MYRIP: variants seen among roughly 807,000 people sequenced by gnomAD.
The protein encoded by MYRIP is myosin VIIA and Rab interacting protein.
A neutral mutation model predicts 98.0 loss-of-function variants in MYRIP; 49 were observed. The observed-to-expected ratio is 0.50, with a 90% CI of 0.40 to 0.63. The LOEUF (loss-of-function observed/expected upper bound fraction) is 0.63, where lower values mean the gene tolerates loss of function less well. Among genes scored for constraint, MYRIP ranks in the 30% least tolerant of loss-of-function variants. The pLI, the probability that MYRIP is intolerant of heterozygous loss-of-function variation, is 0.00. For synonymous variants in MYRIP, 404 were observed against 409.5 expected, an observed-to-expected ratio of 0.99 and a Z score of 0.16; for missense variants, 1,004 against 1,058.2, an observed-to-expected ratio of 0.95 and a Z score of 0.71.
chr3:39,946,072 G>A (rs1043027977), intron 2 of MYRIP, among the ~76,000 whole-genome samples: 1 of 151,822 alleles, frequency 6.6e-6, no homozygotes, highest in East Asian at 1.9e-4. Context: ...AAAGATCTAA[G>A]AAAGCTTTGA....
intron 1 of MYRIP, among the ~76,000 whole-genome samples, chr3:39,872,063 G>A (rs1442559733): frequency 6.6e-6 from 1 of 151,874 alleles, no homozygotes; most frequent in East Asian, 1.9e-4. Context: ...ATGAAATAGA[G>A]ACAACTGATG....
At chr3:40,210,243 C>T in intron 11 of MYRIP, 150 bp downstream of exon 11, 1 of 980,890 alleles carries the variant, frequency 1.0e-6, no homozygotes, top group Non-Finnish European at 1.5e-6. Context: ...CCTAAGAGAA[C>T]CCTTCTTAAC....
At chr3:40,051,960 A>G (rs188231161) in intron 3 of MYRIP, among the ~76,000 whole-genome samples, 2 of 152,222 alleles carry the variant, frequency 1.3e-5, no homozygotes, top group African/African-American at 4.8e-5. Context: ...ATACCTGTAT[A>G]TAATGTGTCG....
chr3:40,130,791 TG>T (rs1001929230), intron 3 of MYRIP, among the ~76,000 whole-genome samples: 7 of 152,068 alleles, frequency 4.6e-5, no homozygotes, highest in African/African-American at 9.7e-5. Context: ...GGGGATATGA[TG>T]GGTACTCCAA....
intron 2 of MYRIP, among the ~76,000 whole-genome samples, chr3:39,913,904 C>T (rs1944087526): frequency 6.6e-6 from 1 of 152,202 alleles, no homozygotes; most frequent in African/African-American, 2.4e-5. Flanking sequence ...TGTGAATTCA[C>T]ACCACACTCA....
intron 3 of MYRIP, among the ~76,000 whole-genome samples, chr3:40,117,645 G>T (rs1157884453): frequency 6.6e-6 from 1 of 152,162 alleles, no homozygotes; most frequent in African/African-American, 2.4e-5. Context: ...TAGTCCATCA[G>T]TGTAGAGGCA....
At chr3:40,252,148 G>T in intron 16 of MYRIP, 149 bp downstream of exon 16, 2 of 646,892 alleles carry the variant, frequency 3.1e-6, no homozygotes, top group Non-Finnish European at 5.3e-6. Context: ...TGACTGGGGG[G>T]TGGACTTAGC....
chr3:39,997,026 T>G (rs1277715584), intron 2 of MYRIP, among the ~76,000 whole-genome samples: 3 of 152,106 alleles, frequency 2.0e-5, no homozygotes, highest in Non-Finnish European at 4.4e-5. Context: ...TGGGACACAT[T>G]CAAAGCAGTG....
intron 3 of MYRIP, among the ~76,000 whole-genome samples, chr3:40,086,933 G>T (rs17075541): frequency 0.067 from 10,132 of 152,022 alleles, 410 homozygotes; most frequent in East Asian, 0.22. Flanking sequence ...AGAGCTCTGG[G>T]GTAGGAACAA....
chr3:39,939,966 CAT>C (rs1301300130), intron 2 of MYRIP, among the ~76,000 whole-genome samples: 3 of 151,336 alleles, frequency 2.0e-5, no homozygotes, highest in Admixed American at 6.6e-5. Context: ...TAGATATACA[CAT>C]GTTATTTATC....
chr3:39,978,075 T>A lies in MYRIP; in HGVS notation c.111-65975T>A, dbSNP rs143611822. Among the ~76,000 whole-genome samples the A allele has an allele frequency of 6.6e-5, 10 of 152,306 alleles. 1 individual carries two copies. Among genetic ancestry groups the A allele is most frequent in the African/African-American group, 2.4e-4 (10 of 41,574 alleles). ...CCTGATATACGAATTTACTGTGTAGTTAGAACTGCCATCTTTAGCCCTTCT... is the reference window on the plus strand; with the variant it reads ...CCTGATATACGAATTTACTGTGTAGATAGAACTGCCATCTTTAGCCCTTCT... On this transcript the variant is annotated intron_variant, in intron 2 of 16. Transcript: ENST00000302541.
At chr3:40,129,849 G>A (rs1392724417) in intron 3 of MYRIP, among the ~76,000 whole-genome samples, 1 of 152,174 alleles carries the variant, frequency 6.6e-6, no homozygotes, top group Non-Finnish European at 1.5e-5. Context: ...ATTCCTAGGT[G>A]AAACTTTAAT....
chr3:39,900,001 A>G (rs1385247394), intron 1 of MYRIP, among the ~76,000 whole-genome samples: 1 of 152,142 alleles, frequency 6.6e-6, no homozygotes. Flanking sequence ...TTGGATCTGT[A>G]GTAGAGACAG....
intron 1 of MYRIP, among the ~76,000 whole-genome samples, chr3:39,861,436 GT>G (rs1942466502): frequency 6.6e-6 from 1 of 152,210 alleles, no homozygotes; most frequent in Admixed American, 6.5e-5. Flanking sequence ...AAACCAGAGT[GT>G]TTTCTTACCT....
At chr3:39,983,225 A>G (rs11917917) in intron 2 of MYRIP, among the ~76,000 whole-genome samples, 1,740 of 152,298 alleles carry the variant, frequency 0.011, 42 homozygotes, top group African/African-American at 0.04. Context: ...TGTGCAGTAC[A>G]TGGAGCACTG....
At chr3:40,227,200 G>C (rs1007992514) in intron 11 of MYRIP, among the ~76,000 whole-genome samples, 9 of 152,214 alleles carry the variant, frequency 5.9e-5, no homozygotes, top group Non-Finnish European at 1.3e-4. Flanking sequence ...GATGCTTCCA[G>C]AAGGAATTAA....
chr3:39,883,156 G>C (rs1248702491), intron 1 of MYRIP, among the ~76,000 whole-genome samples: 1 of 152,090 alleles, frequency 6.6e-6, no homozygotes, highest in Non-Finnish European at 1.5e-5. Flanking sequence ...TAGGGAGATA[G>C]GAATTAGAGG....
intron 8 of MYRIP, among the ~76,000 whole-genome samples, chr3:40,179,914 T>C (rs1166402057): frequency 6.6e-6 from 1 of 152,234 alleles, no homozygotes; most frequent in African/African-American, 2.4e-5. Context: ...GATGTTTTCC[T>C]TCATTTTTAA....
At chr3:40,211,877 A>C (rs1236143007) in intron 11 of MYRIP, among the ~76,000 whole-genome samples, 1 of 151,796 alleles carries the variant, frequency 6.6e-6, no homozygotes, top group Admixed American at 6.6e-5. Flanking sequence ...AGAAAGGAGG[A>C]GCTACTGGGG....
Sources: allele counts gnomAD v4.1 joint callset (sites outside exome capture counted in the v4.1 genomes callset), GRCh38; gene constraint gnomAD v4.1.1; transcripts MANE v1.5; gene names NCBI Gene and HGNC (gene_info 2026-07-23, HGNC 2026-07-21).